The following TBCK variants were observed in gnomAD, a reference collection of about 807,000 sequenced individuals.
The protein encoded by TBCK is TBC1 domain containing kinase, also known as TBC domain-containing protein kinase-like protein.
A neutral mutation model predicts 113.4 loss-of-function variants in TBCK; 99 were observed. That is an observed-to-expected ratio of 0.87 (90% CI 0.74 to 1.03). TBCK has a LOEUF of 1.03. TBCK is among the 50% of genes least tolerant of loss of function. The pLI, the probability that TBCK is intolerant of heterozygous loss-of-function variation, is 0.00. For synonymous variants in TBCK, 369 were observed against 370.8 expected, an observed-to-expected ratio of 1.00 and a Z score of 0.05; for missense variants, 1,045 against 1,061.3, an observed-to-expected ratio of 0.98 and a Z score of 0.21.
chr4:106,210,331 G>C (rs1468194681), intron 20 of TBCK, among the ~76,000 whole-genome samples: 1 of 152,096 alleles, frequency 6.6e-6, no homozygotes, highest in African/African-American at 2.4e-5. Context: ...TGTTTCCATA[G>C]GATTTGAGAG....
At chr4:106,130,621 CACACACA>C (rs1745783459) in intron 23 of TBCK, among the ~76,000 whole-genome samples, 1 of 151,622 alleles carries the variant, frequency 6.6e-6, no homozygotes, top group African/African-American at 2.4e-5. Context: ...CACACACACA[CACACACA>C]CCACACAGAA....
rs1238972505 is a variant in TBCK at position 106,251,977 on chromosome 4, A to G, written c.486T>C (p.Ile162=). The change falls in exon 6 of 26, where the codon ATT becomes ATC. Residue 162 remains isoleucine (I), a synonymous_variant. Coordinates refer to ENST00000394708, the MANE Select transcript of TBCK (RefSeq NM_001163435.3). ...CAGTGGTTTTGAAAATTCCCTGTGC[A>G]ATTACCTCAGGGGCCAAGTACGAGG... ...GYPSYLAPEV[I]AQGIFKTTDH... 4 of 1,611,324 alleles carry G rather than the reference A, an allele frequency of 2.5e-6. No homozygotes were observed. The highest frequency in any genetic ancestry group is 3.4e-6 in the Non-Finnish European group (4 of 1,178,304).
intron 2 of TBCK, among the ~76,000 whole-genome samples, chr4:106,295,597 T>C (rs1234091003): frequency 2.0e-5 from 3 of 152,078 alleles, no homozygotes; most frequent in African/African-American, 7.2e-5. Context: ...TTCAGAAACT[T>C]GAAAAAAAGT....
chr4:106,080,887 G>A (rs1318191581), intron 25 of TBCK, among the ~76,000 whole-genome samples: 3 of 151,994 alleles, frequency 2.0e-5, no homozygotes, highest in African/African-American at 4.8e-5. Context: ...CTCAAAAGAA[G>A]AAATTCACAC....
chr4:106,303,229 T>C (rs1767137364), intron 2 of TBCK, among the ~76,000 whole-genome samples: 1 of 152,168 alleles, frequency 6.6e-6, no homozygotes, highest in Non-Finnish European at 1.5e-5. Flanking sequence ...CAAATCAATT[T>C]TGAAAAGTCT....
chr4:106,061,943 G>A (rs571196167), intron 25 of TBCK, among the ~76,000 whole-genome samples: 12 of 151,666 alleles, frequency 7.9e-5, no homozygotes, highest in Non-Finnish European at 1.6e-4. Context: ...GGTCACAAAC[G>A]CTTTGGCAAT....
chr4:106,297,743 C>T (rs1006116472), intron 2 of TBCK: 3 of 152,188 alleles, frequency 2.0e-5, no homozygotes, highest in African/African-American at 7.2e-5. Flanking sequence ...AATGATCTTT[C>T]CCACATAGTG....
chr4:106,194,906 G>T, intron 20 of TBCK, 152 bp from the exon 21 acceptor site: 1 of 705,032 alleles, frequency 1.4e-6, no homozygotes, highest in Non-Finnish European at 2.3e-6. Context: ...GTTAAGTTTA[G>T]CCTAAAGCTG....
intron 23 of TBCK, among the ~76,000 whole-genome samples, chr4:106,127,970 C>A (rs1170015642): frequency 1.3e-5 from 2 of 152,100 alleles, no homozygotes; most frequent in East Asian, 3.9e-4. Context: ...CACACGCGTA[C>A]ACACACATGC....
chr4:106,252,749 A>T (rs887974019), intron 5 of TBCK, among the ~76,000 whole-genome samples: 1 of 152,092 alleles, frequency 6.6e-6, no homozygotes, highest in South Asian at 2.1e-4. Flanking sequence ...AAGTATATGC[A>T]TATAAATGAC....
chr4:106,273,963 G>A (rs1476999537), intron 3 of TBCK, among the ~76,000 whole-genome samples: 1 of 152,178 alleles, frequency 6.6e-6, no homozygotes, highest in Non-Finnish European at 1.5e-5. Context: ...CCATCCTGAA[G>A]CTAGAGGCTT....
At chr4:106,059,315 T>C (rs1428676579) in intron 25 of TBCK, among the ~76,000 whole-genome samples, 1 of 151,792 alleles carries the variant, frequency 6.6e-6, no homozygotes, top group Non-Finnish European at 1.5e-5. Context: ...TATTGCATTT[T>C]TAACCAATTG....
chr4:106,210,095 T>C (rs1055333479), intron 20 of TBCK, among the ~76,000 whole-genome samples: 1 of 152,200 alleles, frequency 6.6e-6, no homozygotes, highest in African/African-American at 2.4e-5. Context: ...TCCTTTGTTC[T>C]AGACTATCTT....
intron 23 of TBCK, among the ~76,000 whole-genome samples, chr4:106,164,837 A>AT (rs1750184525): frequency 6.6e-6 from 1 of 151,816 alleles, no homozygotes; most frequent in Non-Finnish European, 1.5e-5. Flanking sequence ...AACCAAAAGT[A>AT]TAAAAATGTG....
intron 19 of TBCK, among the ~76,000 whole-genome samples, chr4:106,224,601 A>C (rs547609802): frequency 6.6e-6 from 1 of 152,294 alleles, no homozygotes; most frequent in African/African-American, 2.4e-5. Flanking sequence ...GCTATTTCTA[A>C]TTCTAAGCCT....
intron 19 of TBCK, among the ~76,000 whole-genome samples, chr4:106,217,184 C>G (rs1200178401): frequency 6.6e-6 from 1 of 152,090 alleles, no homozygotes; most frequent in Non-Finnish European, 1.5e-5. Flanking sequence ...ATGCTAAAAA[C>G]TCTCAATAAA....
intron 19 of TBCK, among the ~76,000 whole-genome samples, chr4:106,216,152 T>A (rs1756885187): frequency 6.6e-6 from 1 of 151,874 alleles, no homozygotes; most frequent in South Asian, 2.1e-4. Flanking sequence ...GAAATAAAGA[T>A]GTTCTTTGAA....
chr4:106,220,947 T>C (rs375039601), intron 19 of TBCK, among the ~76,000 whole-genome samples: 1 of 152,220 alleles, frequency 6.6e-6, no homozygotes, highest in African/African-American at 2.4e-5. Flanking sequence ...CATACAGTTA[T>C]TAACTTCTAA....
chr4:106,233,754 C>A, intron 15 of TBCK, 104 bp from the exon 16 acceptor site: 1 of 871,598 alleles, frequency 1.1e-6, no homozygotes, highest in East Asian at 2.8e-5. Flanking sequence ...GAAACCTACC[C>A]AACTACAGAT....
Sources: gnomAD v4.1 joint callset for allele counts (sites outside exome capture counted in the v4.1 genomes callset) on GRCh38, gnomAD v4.1.1 for gene constraint, MANE v1.5 for transcripts, NCBI Gene and HGNC (gene_info 2026-07-23, HGNC 2026-07-21) for gene names.